Variants in ADGRV1 observed in about 807,000 individuals in gnomAD.
ADGRV1 encodes the protein adhesion G protein-coupled receptor V1, also known as G-protein coupled receptor 98.
A neutral mutation model predicts 596.2 loss-of-function variants in ADGRV1; 359 were observed. The observed-to-expected ratio is 0.60, with a 90% CI of 0.55 to 0.66. ADGRV1 has a LOEUF of 0.66. Among genes scored for constraint, ADGRV1 ranks in the 30% least tolerant of loss-of-function variants. The pLI is 0.00. For synonymous variants in ADGRV1, 2,681 were observed against 2,679.2 expected (o/e 1.00, Z -0.02); for missense variants, 7,274 against 7,575.6 (o/e 0.96, Z 1.48).
At chr5:91,021,151 G>T (rs570447465) in intron 85 of ADGRV1, among the ~76,000 whole-genome samples, 1 of 152,042 alleles carries the variant, frequency 6.6e-6, no homozygotes, top group Admixed American at 6.6e-5. Context: ...TTAACTTATT[G>T]TTGGAACTTT....
At chr5:90,952,502 A>G (rs1777138439) in intron 83 of ADGRV1, among the ~76,000 whole-genome samples, 1 of 152,144 alleles carries the variant, frequency 6.6e-6, no homozygotes, top group Admixed American at 6.6e-5. Flanking sequence ...AGGATGGGCT[A>G]TCTTGACATC....
At chr5:90,708,943 C>A in intron 39 of ADGRV1, 34 bp downstream of exon 39, 1 of 1,398,214 alleles carries the variant, frequency 7.2e-7, no homozygotes, top group Non-Finnish European at 1.0e-6. Context: ...TCTTTTTGCT[C>A]ACTTCAAATG....
intron 87 of ADGRV1, among the ~76,000 whole-genome samples, chr5:91,116,118 A>G (rs1312114130): frequency 6.6e-6 from 1 of 152,234 alleles, no homozygotes; most frequent in Non-Finnish European, 1.5e-5. Context: ...CATGAATTCA[A>G]ATATAAACTG....
At chr5:90,941,599 A>G (rs1456923238) in intron 83 of ADGRV1, among the ~76,000 whole-genome samples, 1 of 152,184 alleles carries the variant, frequency 6.6e-6, no homozygotes, top group Non-Finnish European at 1.5e-5. Flanking sequence ...TCCCCCAACC[A>G]AAAATACAGG....
At chr5:90,697,227 GT>G in intron 34 of ADGRV1, 81 bp downstream of exon 34, 1 of 1,275,930 alleles carries the variant, frequency 7.8e-7, no homozygotes, top group South Asian at 1.4e-5. Flanking sequence ...AAACTTGATA[GT>G]TTTTCCCTTT....
rs1279487142 is a variant in ADGRV1, at chr5:90,663,699, C to G, written c.4752+5421C>G. Among the ~76,000 whole-genome samples, 39 of 152,260 alleles carry G rather than the reference C, an allele frequency of 2.6e-4. 1 individual carries two copies. In the East Asian group the frequency reaches 7.3e-3, roughly 29 times the overall value. On this transcript the variant is annotated intron_variant, in intron 21 of 89. Transcript: ENST00000405460. ...TGAAGTCCTTGCCCATGCCTGTGTC[C>G]TGAATGGTAATGCCTAGGTTTTCTT... is the stretch of plus-strand genomic sequence containing the variant.
intron 87 of ADGRV1, among the ~76,000 whole-genome samples, chr5:91,112,407 A>T (rs1050691501): frequency 2.6e-5 from 4 of 152,212 alleles, no homozygotes; most frequent in African/African-American, 9.6e-5. Flanking sequence ...ATGTGTTAAT[A>T]ACATGCTTTT....
At chr5:91,017,415 T>G (rs919012294) in intron 85 of ADGRV1, among the ~76,000 whole-genome samples, 1 of 151,972 alleles carries the variant, frequency 6.6e-6, no homozygotes, top group Non-Finnish European at 1.5e-5. Context: ...ATGAAATGTC[T>G]TTTGCTTTCC....
intron 83 of ADGRV1, among the ~76,000 whole-genome samples, chr5:90,921,362 G>A (rs1773859757): frequency 6.6e-6 from 1 of 151,978 alleles, no homozygotes; most frequent in Admixed American, 6.6e-5. Context: ...TGGGGGTCTT[G>A]TAATTGACTG....
intron 34 of ADGRV1, among the ~76,000 whole-genome samples, chr5:90,701,736 T>C (rs955598469): frequency 6.6e-6 from 1 of 151,966 alleles, no homozygotes; most frequent in Non-Finnish European, 1.5e-5. Flanking sequence ...TTTTTACATG[T>C]AGTAAGTTTG....
chr5:90,653,493 AT>A lies in ADGRV1; in HGVS notation c.3923del (p.Phe1308SerfsTer26). On this transcript the variant is annotated frameshift_variant, in exon 20 of 90. Coordinates refer to ENST00000405460, the MANE Select transcript of ADGRV1 (RefSeq NM_032119.4). LOFTEE classifies it high-confidence loss of function. ...PPMIDFLLVGIFPTTVHLQQH... is the reference protein window; with the variant it reads ...PPMIDFLLVGXFPTTVHLQQH... ...AATGATAGATTTTTTACTGGTTGGA[AT>A]TTTCCCCACCACCGTGCATTTACAA... The A allele has an allele frequency of 2.5e-6, 4 of 1,613,740 alleles. No individual in the cohort carries two copies. The highest frequency in any genetic ancestry group is 3.4e-6 in the Non-Finnish European group (4 of 1,179,852).
chr5:91,122,138 G>A (rs1036731406), intron 87 of ADGRV1, among the ~76,000 whole-genome samples: 8 of 152,028 alleles, frequency 5.3e-5, no homozygotes, highest in African/African-American at 1.9e-4. Context: ...GGGTCTTTCC[G>A]TGAAAAACAA....
At chr5:90,615,091 T>C in intron 2 of ADGRV1, 72 bp downstream of exon 2, 3 of 967,130 alleles carry the variant, frequency 3.1e-6, no homozygotes, top group Non-Finnish European at 4.4e-6. Flanking sequence ...GCAAGGATTT[T>C]TTTTTTCTGT....
chr5:91,105,979 T>G (rs1369431889), intron 87 of ADGRV1, among the ~76,000 whole-genome samples: 1 of 151,108 alleles, frequency 6.6e-6, no homozygotes, highest in Admixed American at 6.6e-5. Flanking sequence ...GTAAAATCTT[T>G]TATTTATATT....
chr5:90,862,510 C>A (rs1767702991), intron 82 of ADGRV1, among the ~76,000 whole-genome samples: 1 of 152,030 alleles, frequency 6.6e-6, no homozygotes, highest in Non-Finnish European at 1.5e-5. Context: ...GCATCAACTC[C>A]AGTAGTATAT....
chr5:90,730,164 G>T (rs888207015), intron 50 of ADGRV1, among the ~76,000 whole-genome samples: 2 of 152,152 alleles, frequency 1.3e-5, no homozygotes, highest in South Asian at 2.1e-4. Context: ...GCCGACTCTG[G>T]GTATTTTAAT....
In ADGRV1 at chr5:90,852,063, T is replaced by C. The variant is rs149376134; in HGVS notation, c.17205-1221T>C. Among the ~76,000 whole-genome samples, 26 of 152,226 alleles carry C rather than the reference T, an allele frequency of 1.7e-4. No individual in the cohort carries two copies. In the East Asian group the frequency reaches 3.9e-3, roughly 23 times the overall value. On this transcript the variant is annotated intron_variant, in intron 79 of 89. Transcript: ENST00000405460. ...TAAAAGATGAGATTTTGACAAGCTA[T>C]GGTGGAGGTGGAGGTATGTGAGGTC...
At chr5:90,731,414 A>T (rs2203824) in intron 50 of ADGRV1, among the ~76,000 whole-genome samples, 4 of 152,026 alleles carry the variant, frequency 2.6e-5, no homozygotes, top group African/African-American at 9.7e-5. Flanking sequence ...ATTTGACATG[A>T]GATTTGGGTT....
intron 85 of ADGRV1, among the ~76,000 whole-genome samples, chr5:91,040,351 G>C (rs1010257853): frequency 2.0e-5 from 3 of 152,136 alleles, no homozygotes; most frequent in Non-Finnish European, 4.4e-5. Context: ...TGTTTGGGCT[G>C]TGGGGCACTG....
Sources: gnomAD v4.1 joint callset for allele counts (sites outside exome capture counted in the v4.1 genomes callset) on GRCh38, gnomAD v4.1.1 for gene constraint, MANE v1.5 for transcripts, NCBI Gene and HGNC (gene_info 2026-07-23, HGNC 2026-07-21) for gene names.